DMTN: variants seen among roughly 807,000 people sequenced by gnomAD.
DMTN encodes the protein dematin.
Under a neutral mutation model 59.4 loss-of-function variants are expected in DMTN, and 27 were observed. That is an observed-to-expected ratio of 0.45 (90% CI 0.33 to 0.63). The LOEUF (loss-of-function observed/expected upper bound fraction) is 0.63. Among genes scored for constraint, DMTN ranks in the 20% least tolerant of loss-of-function variants. The pLI is 0.02. For synonymous variants in DMTN, 221 were observed against 203.7 expected, an observed-to-expected ratio of 1.08 and a Z score of -0.72; for missense variants, 451 against 528.9, an observed-to-expected ratio of 0.85 and a Z score of 1.45.
At chr8:22,049,282 G>C (rs1308008933), upstream of DMTN, 1 of 150,096 alleles carries the variant, frequency 6.7e-6, no homozygotes, top group Non-Finnish European at 1.5e-5. Context: ...GAGGGGGCGA[G>C]AAGGCGTCCC....
chr8:22,080,725 G>C, intron 13 of DMTN, 80 bp from the exon 14 acceptor site: 3 of 1,583,968 alleles, frequency 1.9e-6, no homozygotes, highest in Non-Finnish European at 2.6e-6. Flanking sequence ...AGAGTTGCCT[G>C]GTGAAGAAGA....
chr8:22,064,943 G>A (rs1053315480), intron 1 of DMTN, among the ~76,000 whole-genome samples: 2 of 152,144 alleles, frequency 1.3e-5, no homozygotes, highest in African/African-American at 4.8e-5. Flanking sequence ...CTCTGAGCCC[G>A]TTTCCTTATC....
chr8:22,079,273 A>ATATATATATATATATAT (rs1554562329), intron 10 of DMTN, among the ~76,000 whole-genome samples: 29 of 28,548 alleles, frequency 1.0e-3, no homozygotes, highest in African/African-American at 1.9e-3. Context: ...TAAATAAATA[A>ATATATATATATATATAT]ATAAATATAT....
At chr8:22,078,833 A>G (rs7385993) in intron 10 of DMTN, among the ~76,000 whole-genome samples, 127,943 of 133,790 alleles carry the variant, frequency 0.96, 61,213 homozygotes, top group East Asian at 0.99. Flanking sequence ...GTCTCGCTCT[A>G]TCACCCAGGC....
At chr8:22,062,094 A>G (rs1806969396) in intron 1 of DMTN, among the ~76,000 whole-genome samples, 1 of 151,794 alleles carries the variant, frequency 6.6e-6, no homozygotes, top group African/African-American at 2.4e-5. Context: ...GAAGCCCTGT[A>G]TGGTTGTTAC....
In DMTN at chr8:22,081,778, A is replaced by G; in HGVS notation, c.*315A>G. ...CAGAGGGTGAGGAGGAATGAGGGGC[A>G]TTGGTGGTTAGGCCGGTTGGCTGTC... On this transcript the variant is annotated 3_prime_UTR_variant, in exon 16 of 16. Coordinates refer to ENST00000358242, the MANE Select transcript of DMTN (RefSeq NM_001387751.1). 1 of 518,574 alleles carries G rather than the reference A, an allele frequency of 1.9e-6. No individual in the cohort carries two copies. Among genetic ancestry groups the G allele is most frequent in the Non-Finnish European group, 3.7e-6 (1 of 269,706 alleles). 32.1% of individuals were successfully genotyped at this position (518,574 alleles called of 1,614,324 possible). A position where few individuals can be genotyped will look rare whatever the true frequency, so the allele number is the denominator to read the frequency against.
In DMTN at chr8:22,056,943, C is replaced by A. The variant is rs1341775928; in HGVS notation, c.-365C>A. On this transcript the variant is annotated 5_prime_UTR_variant, in exon 1 of 16. Transcript: ENST00000358242. ...AGCCGAGACCAGCTCCCCTCCTTCG[C>A]CAGCTCCCACCCCGCCCACCCACCC... The A allele has an allele frequency of 6.6e-6, 1 of 151,654 alleles. No individual in the cohort carries two copies. Among genetic ancestry groups the A allele is most frequent in the Non-Finnish European group, 1.5e-5 (1 of 67,920 alleles). The allele number at this position is 151,654 out of a possible 1,614,324, so 9.4% of individuals were successfully genotyped here. A position where few individuals can be genotyped will look rare whatever the true frequency, so the allele number is the denominator to read the frequency against.
rs1384290348 is a variant in DMTN, at chr8:22,058,219, C to T, written c.-172+1083C>T. On this transcript the variant is annotated intron_variant, in intron 1 of 15. Coordinates refer to ENST00000358242, the MANE Select transcript of DMTN (RefSeq NM_001387751.1). This position sits in a 1 kb window ranked among gnomAD's most constrained non-coding sequence, Gnocchi z 4.3. ...CCTGTCCATCTTGTGTCCGTGCTGC[C>T]GGCCTCTCTGTGGTCAGGCGTTAGA... is the stretch of plus-strand genomic sequence containing the variant. 1.3e-5 allele frequency among the ~76,000 whole-genome samples: 2 copies of T among 152,122 alleles called. No individual in the cohort carries two copies. Among genetic ancestry groups the T allele is most frequent in the Admixed American group, 1.3e-4 (2 of 15,286 alleles).
chr8:22,080,089 C>T (rs1382298069), intron 10 of DMTN, 91 bp from the exon 11 acceptor site: 1 of 1,475,356 alleles, frequency 6.8e-7, no homozygotes, highest in Non-Finnish European at 9.4e-7. Context: ...TCCTGCCCTG[C>T]CCCAGCTGTG....
chr8:22,069,220 G>C, intron 5 of DMTN, 160 bp downstream of exon 5: 1 of 934,748 alleles, frequency 1.1e-6, no homozygotes, highest in Non-Finnish European at 1.6e-6. Context: ...TCATTCTGTC[G>C]GACCCAGGAC....
intron 10 of DMTN, 102 bp downstream of exon 10, chr8:22,073,937 C>A: frequency 3.5e-6 from 3 of 869,264 alleles, no homozygotes; most frequent in Non-Finnish European, 5.6e-6. Flanking sequence ...ATCCCTGACC[C>A]AAAGCACGGC....
intron 1 of DMTN, among the ~76,000 whole-genome samples, chr8:22,066,127 A>G (rs913990486): frequency 2.0e-5 from 3 of 152,168 alleles, no homozygotes; most frequent in African/African-American, 7.2e-5. Flanking sequence ...TGCTGGCGTG[A>G]GCCACTTATG....
At position 22,073,847 on chromosome 8, in the gene DMTN, G is replaced by C; in HGVS notation, c.835+12G>C. ...ACCCTTCCATACCTGTGAGTGCTGT[G>C]GAGGGGGCTCAGAGTCACCTGGCCA... On this transcript the variant is annotated intron_variant, in intron 10 of 15. Transcript: ENST00000358242. 2 of 1,612,016 alleles carry C rather than the reference G, an allele frequency of 1.2e-6. No homozygotes were observed. The highest frequency in any genetic ancestry group is 1.7e-6 in the Non-Finnish European group (2 of 1,178,322).
intron 12 of DMTN, 46 bp downstream of exon 12, chr8:22,080,506 C>T (rs376090446): frequency 6.2e-7 from 1 of 1,613,920 alleles, no homozygotes; most frequent in African/African-American, 1.3e-5. Flanking sequence ...GGGGCTTACA[C>T]AGGTCCCTGG....
upstream of DMTN, among the ~76,000 whole-genome samples, chr8:22,054,594 T>A (rs1032154127): frequency 1.9e-4 from 29 of 152,044 alleles, no homozygotes; most frequent in African/African-American, 6.8e-4. Context: ...CTTCCTGGAG[T>A]GGGGACTCTC....
upstream of DMTN, among the ~76,000 whole-genome samples, chr8:22,051,206 G>A (rs1048067576): frequency 2.0e-5 from 3 of 152,120 alleles, no homozygotes; most frequent in Non-Finnish European, 2.9e-5. Flanking sequence ...GGGAGGTGGC[G>A]GCAGCGGCCA....
intron 10 of DMTN, among the ~76,000 whole-genome samples, chr8:22,078,529 G>A (rs1230664195): frequency 6.6e-6 from 1 of 151,000 alleles, no homozygotes; most frequent in East Asian, 1.9e-4. Context: ...TGGTATAAAT[G>A]CCAGCCATTT....
rs78826196 is a variant in DMTN, at chr8:22,081,473, C to T, written c.*10C>T. 2.2e-3 allele frequency: 3,595 copies of T among 1,612,456 alleles called. 65 individuals are homozygous for T. The African/African-American group carries it at 0.042, about 19-fold the overall frequency. On this transcript the variant is annotated 3_prime_UTR_variant, in exon 16 of 16. Coordinates refer to ENST00000358242, the MANE Select transcript of DMTN (RefSeq NM_001387751.1). ...GGCCTCTCTCTTCTGATGGCCCCCA[C>T]CTGCTCCGGGACGGCCCCCTTACCC...
chr8:22,081,092 T>TGGGGGGGGGGGGGCGG, intron 14 of DMTN, 21 bp from the exon 15 acceptor site: 2 of 1,547,316 alleles, frequency 1.3e-6, no homozygotes, highest in Non-Finnish European at 1.8e-6. Flanking sequence ...AGCCTAAGAT[T>TGGGGGGGGGGGGGCGG]GCCCCTCCCC....
Sources: allele counts gnomAD v4.1 joint callset (sites outside exome capture counted in the v4.1 genomes callset), GRCh38; gene constraint gnomAD v4.1.1; non-coding constraint Gnocchi (gnomAD v3.1); transcripts MANE v1.5; gene names NCBI Gene and HGNC (gene_info 2026-07-23, HGNC 2026-07-21).